WDFY4: variants seen among roughly 807,000 people sequenced by gnomAD.
WDFY4 encodes the protein WDFY family member 4.
Under a neutral mutation model 351.9 loss-of-function variants are expected in WDFY4, and 169 were observed. The observed-to-expected ratio is 0.48, with a 90% CI of 0.42 to 0.55. The LOEUF (loss-of-function observed/expected upper bound fraction) is 0.55, where lower values mean the gene tolerates loss of function less well. Among genes scored for constraint, WDFY4 ranks in the 20% least tolerant of loss-of-function variants. WDFY4 has a pLI of 0.00. For missense variants in WDFY4, 3,803 were observed against 3,935.6 expected (o/e 0.97, Z 0.90); for synonymous variants, 1,622 against 1,574.6 (o/e 1.03, Z -0.71).
intron 13 of WDFY4, among the ~76,000 whole-genome samples, chr10:48,765,812 C>T (rs1355258986): frequency 6.6e-6 from 1 of 152,126 alleles, no homozygotes; most frequent in African/African-American, 2.4e-5. Flanking sequence ...GTCTGCATCT[C>T]ACGTTATTTT....
chr10:48,964,067 T>G lies in WDFY4; in HGVS notation c.8436+13T>G. On this transcript the variant is annotated intron_variant, in intron 54 of 61. Coordinates refer to ENST00000325239, the MANE Select transcript of WDFY4 (RefSeq NM_001394531.1). Reference sequence around the variant, plus strand: ...GGTGCCCAAACAGGTACAGCATGCCTTGTCATTTGCCTTGCTTTCTCAAAA... The same window carrying G: ...GGTGCCCAAACAGGTACAGCATGCCGTGTCATTTGCCTTGCTTTCTCAAAA... 1 of 1,549,330 alleles carries G rather than the reference T, an allele frequency of 6.5e-7. No individual in the cohort carries two copies. The highest frequency in any genetic ancestry group is 8.7e-7 in the Non-Finnish European group (1 of 1,146,610).
intron 5 of WDFY4, among the ~76,000 whole-genome samples, chr10:48,724,599 T>C (rs1257917285): frequency 6.6e-6 from 1 of 152,158 alleles, no homozygotes; most frequent in African/African-American, 2.4e-5. Flanking sequence ...GTCTTCTGGG[T>C]ATGTGGACAG....
chr10:48,866,146 T>G (rs1378681710), intron 39 of WDFY4, among the ~76,000 whole-genome samples: 2 of 152,178 alleles, frequency 1.3e-5, no homozygotes, highest in African/African-American at 2.4e-5. Flanking sequence ...GTTTGCTCTT[T>G]TTTCCCCAGT....
chr10:48,923,545 T>C (rs1444717978), intron 47 of WDFY4, among the ~76,000 whole-genome samples: 1 of 133,516 alleles, frequency 7.5e-6, no homozygotes, highest in Non-Finnish European at 1.6e-5. Context: ...TGTATTTTAT[T>C]TGGCAACCCT....
chr10:48,753,486 A>T (rs59358193), intron 12 of WDFY4, among the ~76,000 whole-genome samples: 1,552 of 152,274 alleles, frequency 0.01, 26 homozygotes, highest in African/African-American at 0.034. Context: ...TCTCCTAAAA[A>T]TTTTGTTTTG....
intron 23 of WDFY4, among the ~76,000 whole-genome samples, chr10:48,795,002 A>G (rs964850776): frequency 1.3e-5 from 2 of 152,172 alleles, no homozygotes; most frequent in East Asian, 3.9e-4. Context: ...TATTTTTACA[A>G]TGAGAAATAC....
At chr10:48,760,262 A>C in intron 12 of WDFY4, 85 bp from the exon 13 acceptor site, 16 of 1,227,982 alleles carry the variant, frequency 1.3e-5, no homozygotes, top group Non-Finnish European at 1.7e-5. Context: ...GATCTGTCTT[A>C]GAAAGAAAGA....
intron 31 of WDFY4, among the ~76,000 whole-genome samples, chr10:48,815,090 T>C (rs574007315): frequency 1.1e-4 from 16 of 152,362 alleles, no homozygotes; most frequent in Admixed American, 8.5e-4. Context: ...GGATGTAGTA[T>C]AGCAGGTCAA....
Position 48,832,635 on chromosome 10 carries a change from T to C in WDFY4, c.6589T>C (p.Trp2197Arg). The part of the protein sequence containing the change: ...NVAHHSKVTL[W>R]SGSLSSAMKL... ...TGCACACCACAGCAAAGTCACTTTGTGGAGTGGAAGCCTGTCCTCAGCCAT... is the reference window on the plus strand; with the variant it reads ...TGCACACCACAGCAAAGTCACTTTGCGGAGTGGAAGCCTGTCCTCAGCCAT... Residue 2197 changes from tryptophan to arginine, a missense_variant, in exon 39 of 62, where the codon TGG (tryptophan) becomes CGG (arginine). This residue lies in a region of WDFY4 where 3,054 missense variants were observed against 3,148.6 expected (regional missense o/e 0.97). Transcript: ENST00000325239. 1 of 1,551,294 alleles carries C rather than the reference T, an allele frequency of 6.4e-7. No individual in the cohort carries two copies. The highest frequency in any genetic ancestry group is 8.7e-7 in the Non-Finnish European group (1 of 1,146,702).
intron 1 of WDFY4, among the ~76,000 whole-genome samples, chr10:48,689,213 C>G (rs764490109): frequency 2.4e-4 from 36 of 152,190 alleles, no homozygotes; most frequent in Non-Finnish European, 3.5e-4. Context: ...TTTGTAATCT[C>G]CCTCCAAGTG....
intron 35 of WDFY4, chr10:48,823,340 A>T: frequency 7.8e-7 from 1 of 1,274,592 alleles, no homozygotes; most frequent in Non-Finnish European, 1.0e-6. Flanking sequence ...TCAAGCTGGG[A>T]TCTACCTCCA....
intron 55 of WDFY4, 122 bp from the exon 56 acceptor site, chr10:48,968,942 G>C: frequency 1.0e-6 from 1 of 1,002,882 alleles, no homozygotes; most frequent in Non-Finnish European, 1.5e-6. Context: ...GCTGCAGTGG[G>C]TGCTGTCCTT....
chr10:48,855,139 G>A (rs933191674), intron 39 of WDFY4, among the ~76,000 whole-genome samples: 3 of 151,900 alleles, frequency 2.0e-5, no homozygotes, highest in African/African-American at 7.3e-5. Context: ...AAATGATATT[G>A]TTTTTATATT....
chr10:48,954,623 A>G (rs752110684), intron 51 of WDFY4, among the ~76,000 whole-genome samples: 8 of 151,996 alleles, frequency 5.3e-5, no homozygotes, highest in Non-Finnish European at 7.4e-5. Context: ...GGAGAATTCA[A>G]TCTTAGCTGG....
chr10:48,894,819 C>T (rs1836990934), intron 44 of WDFY4, among the ~76,000 whole-genome samples: 1 of 152,152 alleles, frequency 6.6e-6, no homozygotes, highest in Non-Finnish European at 1.5e-5. Flanking sequence ...ACCTGGGATG[C>T]TGCTAGACCT....
intron 10 of WDFY4, 42 bp from the exon 11 acceptor site, chr10:48,735,838 T>C (rs780117064): frequency 6.6e-5 from 97 of 1,471,478 alleles, no homozygotes; most frequent in Admixed American, 2.6e-4. Flanking sequence ...AGTGGCAAGC[T>C]TCCCCCTTGC....
rs2064457453 is a variant in WDFY4 at position 48,731,457 on chromosome 10, A to T, written c.1477A>T (p.Ile493Phe). 3 of 1,551,698 alleles carry T rather than the reference A, an allele frequency of 1.9e-6. 1 individual carries two copies. The Middle Eastern group carries it at 5.0e-4, about 259-fold the overall frequency. ...TLMALQSILSIAGGDPLFTDI... is the reference protein window; with the variant it reads ...TLMALQSILSFAGGDPLFTDI... ...CATGGCCCTGCAGAGCATCCTCAGCATCGCTGGTGGGGACCCCCTCTTCAC... is the reference window on the plus strand; with the variant it reads ...CATGGCCCTGCAGAGCATCCTCAGCTTCGCTGGTGGGGACCCCCTCTTCAC... The change falls in exon 9 of 62, where the codon ATC becomes TTC. Residue 493 changes from isoleucine to phenylalanine, a missense_variant. This residue lies in a region of WDFY4 where 261 missense variants were observed against 330.2 expected (regional missense o/e 0.79). Coordinates refer to ENST00000325239, the MANE Select transcript of WDFY4 (RefSeq NM_001394531.1).
intron 47 of WDFY4, among the ~76,000 whole-genome samples, chr10:48,922,549 G>A (rs987451747): frequency 6.6e-6 from 1 of 152,214 alleles, no homozygotes; most frequent in Non-Finnish European, 1.5e-5. Flanking sequence ...ATGATGAATT[G>A]TTGTTCATCT....
At chr10:48,723,610 A>G in intron 5 of WDFY4, 43 bp downstream of exon 5, 1 of 1,549,192 alleles carries the variant, frequency 6.5e-7, no homozygotes, top group Non-Finnish European at 8.7e-7. Context: ...TCAAAACCTC[A>G]CTTCGGGGAC....
Sources: allele counts gnomAD v4.1 joint callset (sites outside exome capture counted in the v4.1 genomes callset), GRCh38; gene constraint gnomAD v4.1.1; regional missense constraint gnomAD v4.1.1; transcripts MANE v1.5; gene names NCBI Gene and HGNC (gene_info 2026-07-23, HGNC 2026-07-21).